The following SCARA3 variants were observed in gnomAD, a reference collection of about 807,000 sequenced individuals.
SCARA3 encodes the protein scavenger receptor class A member 3.
In SCARA3, 39 loss-of-function variants were observed where a neutral mutation model predicts 47.0. The observed-to-expected ratio is 0.83, with a 90% CI of 0.64 to 1.08. The LOEUF (loss-of-function observed/expected upper bound fraction) is 1.08. SCARA3 is among the 50% of genes least tolerant of loss of function. The pLI is 0.00. For synonymous variants in SCARA3, 356 were observed against 334.1 expected (o/e 1.07, Z -0.71); for missense variants, 724 against 792.3 (o/e 0.91, Z 1.04).
At chr8:27,682,699 A>C in the SCARA3 span, among the ~76,000 whole-genome samples, 1 of 152,204 alleles carries the variant, frequency 6.6e-6, no homozygotes, top group African/African-American at 2.4e-5. Context: ...AGAATAGTTA[A>C]AATTAAGAAA....
At chr8:27,688,001 A>G in the SCARA3 span, among the ~76,000 whole-genome samples, 2 of 152,146 alleles carry the variant, frequency 1.3e-5, no homozygotes, top group Admixed American at 6.5e-5. Context: ...GGGCGACAAG[A>G]GTGAAACTCC....
chr8:27,671,611 T>G lies in SCARA3; in HGVS notation c.*260T>G, dbSNP rs548598818. 21 of 1,198,334 alleles carry G rather than the reference T, an allele frequency of 1.8e-5. No individual in the cohort carries two copies. The highest frequency in any genetic ancestry group is 4.1e-5 in the South Asian group (1 of 24,608). The allele number at this position is 1,198,334 out of a possible 1,614,324, so 74.2% of individuals were successfully genotyped here. A position where few individuals can be genotyped will look rare whatever the true frequency, so the allele number is the denominator to read the frequency against. Reference sequence around the variant, plus strand: ...ATACACGCACATGCACACATACACATGCATGCACACATACACAGGCATACA... The same window carrying G: ...ATACACGCACATGCACACATACACAGGCATGCACACATACACAGGCATACA... On this transcript the variant is annotated 3_prime_UTR_variant, in exon 6 of 6. Transcript: ENST00000301904.
At chr8:27,714,480 A>T in the SCARA3 span, among the ~76,000 whole-genome samples, 2 of 152,206 alleles carry the variant, frequency 1.3e-5, no homozygotes, top group Non-Finnish European at 2.9e-5. Context: ...GTTGTGAGCC[A>T]CCACGCCGGG....
chr8:27,677,558 C>T (rs560756274), downstream of SCARA3, among the ~76,000 whole-genome samples: 21 of 152,238 alleles, frequency 1.4e-4, no homozygotes, highest in African/African-American at 4.8e-4. Flanking sequence ...AAAGTAAAAC[C>T]ACTGTAGTTC....
At chr8:27,689,012 C>A in the SCARA3 span, among the ~76,000 whole-genome samples, 13,580 of 152,100 alleles carry the variant, frequency 0.089, 703 homozygotes, top group East Asian at 0.21. Flanking sequence ...TTTAAAGAGG[C>A]TCTCTGCAGC....
chr8:27,672,848 G>A lies in SCARA3; in HGVS notation c.*1497G>A, dbSNP rs144125464. The A allele has an allele frequency of 9.6e-5, 95 of 985,590 alleles. No homozygotes were observed. The highest frequency in any genetic ancestry group is 1.4e-4 in the African/African-American group (8 of 57,336). 61.1% of individuals were successfully genotyped at this position (985,590 alleles called of 1,614,324 possible). A position where few individuals can be genotyped will look rare whatever the true frequency, so the allele number is the denominator to read the frequency against. On this transcript the variant is annotated 3_prime_UTR_variant, in exon 6 of 6. Transcript: ENST00000301904. ...CATAGAGTTGTCTCCTTCCCAACAC[G>A]GACCCAGAGAGCAGCCCTTCCCTGC...
chr8:27,660,842 CTAGATAGATAGA>C (rs113873031), intron 5 of SCARA3, among the ~76,000 whole-genome samples: 1,989 of 113,856 alleles, frequency 0.017, 22 homozygotes, highest in South Asian at 0.061. Flanking sequence ...AGCTAGCTAG[CTAGATAGATAGA>C]TAGATAGATA....
chr8:27,671,548 G>A lies in SCARA3; in HGVS notation c.*197G>A, dbSNP rs952700006. ...AAGCAGCCCCTCCTCACACATACAT[G>A]TGCACATGCACACACATGCATGCAC... On this transcript the variant is annotated 3_prime_UTR_variant, in exon 6 of 6. Transcript: ENST00000301904. 9 of 1,284,530 alleles carry A rather than the reference G, an allele frequency of 7.0e-6. No homozygotes were observed. The Admixed American group carries it at 2.3e-4, about 32-fold the overall frequency. The allele number at this position is 1,284,530 out of a possible 1,614,324, so 79.6% of individuals were successfully genotyped here. A position where few individuals can be genotyped will look rare whatever the true frequency, so the allele number is the denominator to read the frequency against.
chr8:27,699,929 A>G, the SCARA3 span, among the ~76,000 whole-genome samples: 1 of 152,226 alleles, frequency 6.6e-6, no homozygotes, highest in African/African-American at 2.4e-5. Context: ...GATTTTCCCC[A>G]AAGACACCAA....
At chr8:27,713,050 T>G in the SCARA3 span, among the ~76,000 whole-genome samples, 1 of 152,220 alleles carries the variant, frequency 6.6e-6, no homozygotes, top group African/African-American at 2.4e-5. Flanking sequence ...AATCAAGAAA[T>G]TAGCATTGAC....
the SCARA3 span, among the ~76,000 whole-genome samples, chr8:27,721,067 C>G: frequency 6.6e-6 from 1 of 151,952 alleles, no homozygotes; most frequent in Non-Finnish European, 1.5e-5. Flanking sequence ...TACTCACCTA[C>G]TCATCTATCC....
rs1801502440 is a variant in SCARA3, at chr8:27,646,806, C to T, written c.8-2896C>T. 2.6e-5 allele frequency among the ~76,000 whole-genome samples: 4 copies of T among 152,132 alleles called. No individual in the cohort carries two copies. The South Asian group carries it at 6.2e-4, about 24-fold the overall frequency. On this transcript the variant is annotated intron_variant, in intron 1 of 5. Transcript: ENST00000301904. Reference sequence around the variant, plus strand: ...AAAGAGATCATAATCCTGGTGACTGCCCAGGCCAGGCTTCCTTGTAAACTG... The same window carrying T: ...AAAGAGATCATAATCCTGGTGACTGTCCAGGCCAGGCTTCCTTGTAAACTG...
intron 3 of SCARA3, among the ~76,000 whole-genome samples, chr8:27,652,980 C>T (rs1801664912): frequency 6.6e-6 from 1 of 152,198 alleles, no homozygotes; most frequent in African/African-American, 2.4e-5. Context: ...AGCCCATCAC[C>T]ACCTGTGTCT....
chr8:27,647,819 T>C (rs1365104693), intron 1 of SCARA3, among the ~76,000 whole-genome samples: 1 of 152,098 alleles, frequency 6.6e-6, no homozygotes, highest in Non-Finnish European at 1.5e-5. Flanking sequence ...TAATTTGGGG[T>C]CACCCTCAGT....
Position 27,672,800 on chromosome 8 carries a change from C to T in SCARA3, c.*1449C>T, listed in dbSNP as rs1802198691. ...TTCAAACAGATTCAGGCACCACCCC[C>T]TCCACCGCCCGCAAGGTTAGGGCAT... On this transcript the variant is annotated 3_prime_UTR_variant, in exon 6 of 6. Coordinates refer to ENST00000301904, the MANE Select transcript of SCARA3 (RefSeq NM_016240.3). 1 of 985,702 alleles carries T rather than the reference C, an allele frequency of 1.0e-6. No homozygotes were observed. The allele number at this position is 985,702 out of a possible 1,614,324, so 61.1% of individuals were successfully genotyped here.
chr8:27,700,287 T>C, the SCARA3 span, among the ~76,000 whole-genome samples: 2 of 152,238 alleles, frequency 1.3e-5, no homozygotes, highest in Non-Finnish European at 2.9e-5. Context: ...GCTTTCAGGA[T>C]ACATAAAGAA....
chr8:27,641,787 G>A (rs1801387495), intron 1 of SCARA3, among the ~76,000 whole-genome samples: 1 of 152,182 alleles, frequency 6.6e-6, no homozygotes, highest in Non-Finnish European at 1.5e-5. Flanking sequence ...GTAGAGATGA[G>A]ACAGTAAATC....
chr8:27,660,693 TGATAGATA>T lies in SCARA3; in HGVS notation c.1369+1190_1369+1197del, dbSNP rs200533534. On this transcript the variant is annotated intron_variant, in intron 5 of 5. Coordinates refer to ENST00000301904, the MANE Select transcript of SCARA3 (RefSeq NM_016240.3). ...AGAATCAATAGTGTAGAGTGATAGA[TGATAGATA>T]GATAGATAGATAGATAGATAGATAG... is the stretch of plus-strand genomic sequence containing the variant. 9.0e-3 allele frequency among the ~76,000 whole-genome samples: 809 copies of T among 89,448 alleles called. 7 individuals carry two copies. The highest frequency in any genetic ancestry group is 0.062 in the East Asian group (153 of 2,452). The allele number at this position is 89,448 out of a possible 152,430, so 58.7% of individuals were successfully genotyped here.
the SCARA3 span, among the ~76,000 whole-genome samples, chr8:27,697,830 C>T: frequency 6.6e-6 from 1 of 152,168 alleles, no homozygotes; most frequent in Admixed American, 6.5e-5. Context: ...CGTGCCTTTG[C>T]TACTCGTTTG....
Sources: gnomAD v4.1 joint callset for allele counts (sites outside exome capture counted in the v4.1 genomes callset) on GRCh38, gnomAD v4.1.1 for gene constraint, MANE v1.5 for transcripts, NCBI Gene and HGNC (gene_info 2026-07-23, HGNC 2026-07-21) for gene names.